The following FAM114A1 variants were observed in gnomAD, a reference collection of about 807,000 sequenced individuals.
The protein encoded by FAM114A1 is family with sequence similarity 114 member A1, also known as protein NOXP20.
Under a neutral mutation model 64.3 loss-of-function variants are expected in FAM114A1, and 62 were observed. That is an observed-to-expected ratio of 0.96 (90% confidence interval 0.79 to 1.19). The LOEUF (loss-of-function observed/expected upper bound fraction) is 1.19, where lower values mean the gene tolerates loss of function less well. Among genes scored for constraint, FAM114A1 ranks in the 50% most tolerant of loss-of-function variants. The probability of loss-of-function intolerance (pLI) is 0.00; values close to 1 mark genes in which losing one functional copy is unlikely to be tolerated. For missense variants in FAM114A1, 645 were observed against 676.3 expected, an observed-to-expected ratio of 0.95 and a Z score of 0.51; for synonymous variants, 254 against 251.1, an observed-to-expected ratio of 1.01 and a Z score of -0.11.
At chr4:38,887,360 C>T (rs1264630978) in intron 3 of FAM114A1, among the ~76,000 whole-genome samples, 1 of 152,186 alleles carries the variant, frequency 6.6e-6, no homozygotes, top group Non-Finnish European at 1.5e-5. Flanking sequence ...TGATTTGGTC[C>T]TTTTTACCAA....
intron 9 of FAM114A1, among the ~76,000 whole-genome samples, chr4:38,928,417 A>G (rs1254581711): frequency 2.0e-5 from 3 of 152,238 alleles, no homozygotes; most frequent in African/African-American, 7.2e-5. Context: ...GTAATCTTTA[A>G]CAATCTCTTT....
At chr4:38,888,495 T>A (rs916252112) in intron 3 of FAM114A1, among the ~76,000 whole-genome samples, 1 of 152,158 alleles carries the variant, frequency 6.6e-6, no homozygotes, top group African/African-American at 2.4e-5. Context: ...ACACTCCAGC[T>A]TGGGCAACAG....
At chr4:38,920,400 A>G (rs1044319618) in intron 8 of FAM114A1, among the ~76,000 whole-genome samples, 1 of 152,184 alleles carries the variant, frequency 6.6e-6, no homozygotes, top group African/African-American at 2.4e-5. Context: ...TTCCATAAAT[A>G]CTTATGGAGA....
intron 8 of FAM114A1, 101 bp downstream of exon 8, chr4:38,915,174 G>A (rs1249591450): frequency 4.2e-6 from 6 of 1,436,496 alleles, no homozygotes; most frequent in Non-Finnish European, 5.7e-6. Context: ...CATTTTTAGA[G>A]CCTCATTATT....
At chr4:38,877,686 C>A (rs995483280) in intron 2 of FAM114A1, among the ~76,000 whole-genome samples, 2 of 152,116 alleles carry the variant, frequency 1.3e-5, no homozygotes, top group African/African-American at 4.8e-5. Context: ...TTGCCCTGGC[C>A]GGGCGCGGTG....
rs185856127 is a variant in FAM114A1, at chr4:38,914,065, A to G, written c.793-856A>G. ...CAATGAGCTGAGATCGTACCCTTGC[A>G]CTCCAGCCTGGGCAACAAGAGCTAA... On this transcript the variant is annotated intron_variant, in intron 7 of 14. Transcript: ENST00000358869. Among the ~76,000 whole-genome samples, 806 of 152,136 alleles carry G rather than the reference A, an allele frequency of 5.3e-3. 5 individuals carry two copies. The highest frequency in any genetic ancestry group is 0.019 in the African/African-American group (779 of 41,488).
chr4:38,873,692 A>G (rs1397601677), intron 2 of FAM114A1, among the ~76,000 whole-genome samples: 1 of 152,190 alleles, frequency 6.6e-6, no homozygotes, highest in Non-Finnish European at 1.5e-5. Flanking sequence ...AACATATGGA[A>G]CTAACAGCCC....
At chr4:38,875,385 T>C (rs1432747748) in intron 2 of FAM114A1, among the ~76,000 whole-genome samples, 2 of 152,206 alleles carry the variant, frequency 1.3e-5, no homozygotes, top group Non-Finnish European at 2.9e-5. Context: ...AGCTCTTTCA[T>C]CTCCCTGATT....
chr4:38,874,713 T>C (rs1714442449), intron 2 of FAM114A1, among the ~76,000 whole-genome samples: 1 of 152,208 alleles, frequency 6.6e-6, no homozygotes, highest in Non-Finnish European at 1.5e-5. Context: ...CAATTGCTTT[T>C]GGAGTCTTTG....
In FAM114A1 at chr4:38,891,632, C is replaced by T. The variant is rs146902574; in HGVS notation, c.349-111C>T. On this transcript the variant is annotated intron_variant, in intron 3 of 14. Coordinates refer to ENST00000358869, the MANE Select transcript of FAM114A1 (RefSeq NM_138389.4). Reference sequence around the variant, plus strand: ...TTATAAACTATAAGCCAATTAGATACGGTTGTTGGTGATTCTTTTCCAAAC... The same window carrying T: ...TTATAAACTATAAGCCAATTAGATATGGTTGTTGGTGATTCTTTTCCAAAC... The T allele has an allele frequency of 8.1e-4, 702 of 863,122 alleles. 7 individuals carry two copies. Among genetic ancestry groups the T allele is most frequent in the South Asian group, 1.5e-4 (8 of 53,238 alleles). 53.5% of individuals were successfully genotyped at this position (863,122 alleles called of 1,614,324 possible). A position where few individuals can be genotyped will look rare whatever the true frequency, so the allele number is the denominator to read the frequency against.
intron 6 of FAM114A1, among the ~76,000 whole-genome samples, chr4:38,906,532 GT>G (rs942958151): frequency 6.6e-6 from 1 of 151,956 alleles, no homozygotes; most frequent in African/African-American, 2.4e-5. Flanking sequence ...GATTTATTTT[GT>G]TTTTTCTTTT....
At chr4:38,905,960 G>T in intron 6 of FAM114A1, 99 bp downstream of exon 6, 2 of 1,029,774 alleles carry the variant, frequency 1.9e-6, no homozygotes, top group Non-Finnish European at 1.4e-6. Context: ...GAGAAACGAT[G>T]GCCTTGCTCA....
rs372801338 is a variant in FAM114A1 at position 38,905,869 on chromosome 4, G to T, written c.657+8G>T. On this transcript the variant is annotated splice_region_variant and intron_variant, in intron 6 of 14. Transcript: ENST00000358869. ...AATGTGGTTCAAAACACAGTGAGTC[G>T]CTGGCTGCTTCCTCTCTTTCCCCTG... 5 of 1,605,630 alleles carry T rather than the reference G, an allele frequency of 3.1e-6. No homozygotes were observed. Among genetic ancestry groups the T allele is most frequent in the Admixed American group, 1.7e-5 (1 of 57,644 alleles).
intron 6 of FAM114A1, among the ~76,000 whole-genome samples, chr4:38,906,644 C>T (rs1304708897): frequency 6.6e-6 from 1 of 152,162 alleles, no homozygotes; most frequent in Admixed American, 6.5e-5. Context: ...AAGTGATTCT[C>T]CCACCTCAGC....
rs551190970 is a variant in FAM114A1 at position 38,891,622 on chromosome 4, C to T, written c.349-121C>T. 7.5e-6 allele frequency: 6 copies of T among 795,824 alleles called. No individual in the cohort carries two copies. The African/African-American group carries it at 8.7e-5, about 12-fold the overall frequency. The allele number at this position is 795,824 out of a possible 1,614,324, so 49.3% of individuals were successfully genotyped here. On this transcript the variant is annotated intron_variant, in intron 3 of 14. Coordinates refer to ENST00000358869, the MANE Select transcript of FAM114A1 (RefSeq NM_138389.4). ...TTTATGACCCTTATAAACTATAAGC[C>T]AATTAGATACGGTTGTTGGTGATTC...
chr4:38,914,039 G>A (rs1419349864), intron 7 of FAM114A1, among the ~76,000 whole-genome samples: 2 of 152,076 alleles, frequency 1.3e-5, no homozygotes, highest in African/African-American at 4.8e-5. Context: ...TGGGGAGGTT[G>A]CAATGAGCTG....
In FAM114A1 at chr4:38,944,692, G is replaced by A. The variant is rs60949074; in HGVS notation, c.*1135G>A. 9.8e-5 allele frequency: 15 copies of A among 152,326 alleles called. No individual in the cohort carries two copies. The highest frequency in any genetic ancestry group is 3.9e-4 in the East Asian group (2 of 5,178). The allele number at this position is 152,326 out of a possible 1,614,324, so 9.4% of individuals were successfully genotyped here. On this transcript the variant is annotated 3_prime_UTR_variant, in exon 15 of 15. Transcript: ENST00000358869. ...CAGCATTAGAGTCTCATGGGAGTGC[G>A]AACCCTGTTGTGAACTGCACATGCG... is the stretch of plus-strand genomic sequence containing the variant.
intron 14 of FAM114A1, among the ~76,000 whole-genome samples, chr4:38,941,535 A>G (rs961510830): frequency 5.3e-5 from 8 of 152,194 alleles, no homozygotes; most frequent in African/African-American, 1.9e-4. Context: ...ACTCACTAGG[A>G]CTTTGCAGCA....
intron 3 of FAM114A1, among the ~76,000 whole-genome samples, chr4:38,890,193 A>G (rs1716193041): frequency 6.6e-6 from 1 of 152,106 alleles, no homozygotes; most frequent in African/African-American, 2.4e-5. Context: ...TCATGAGGTC[A>G]AGAGATCAAG....
Sources: gnomAD v4.1 joint callset for allele counts (sites outside exome capture counted in the v4.1 genomes callset) on GRCh38, gnomAD v4.1.1 for gene constraint, MANE v1.5 for transcripts, NCBI Gene and HGNC (gene_info 2026-07-23, HGNC 2026-07-21) for gene names.